Variants in BLM observed in about 807,000 individuals in gnomAD.
BLM encodes BLM RecQ like helicase.
BLM carries 95 observed loss-of-function variants against 135.3 expected under a neutral mutation model. That is an observed-to-expected ratio of 0.70 (90% CI 0.59 to 0.83). The LOEUF (loss-of-function observed/expected upper bound fraction) is 0.83, where lower values mean the gene tolerates loss of function less well. Ranked by LOEUF, BLM falls within the 40% of genes least tolerant of loss-of-function variation. The probability of loss-of-function intolerance (pLI) is 0.00; values close to 1 mark genes in which losing one functional copy is unlikely to be tolerated. For synonymous variants in BLM, 520 were observed against 589.2 expected (o/e 0.88, Z 1.70); for missense variants, 1,518 against 1,663.9 (o/e 0.91, Z 1.53).
chr15:90,782,798 A>AT, intron 12 of BLM, 24 bp from the exon 13 acceptor site: 1 of 1,547,672 alleles, frequency 6.5e-7, no homozygotes, highest in Non-Finnish European at 8.9e-7. Flanking sequence ...TAATAACTAA[A>AT]TTTTATGTTT....
intron 5 of BLM, among the ~76,000 whole-genome samples, chr15:90,759,235 A>C (rs1035190428): frequency 1.3e-5 from 2 of 152,072 alleles, no homozygotes; most frequent in African/African-American, 4.8e-5. Context: ...TTGTTTTTAC[A>C]CTGCTTCATA....
chr15:90,746,539 TG>T (rs1895506198), intron 1 of BLM, among the ~76,000 whole-genome samples: 1 of 152,214 alleles, frequency 6.6e-6, no homozygotes, highest in African/African-American at 2.4e-5. Flanking sequence ...TTGATAGATA[TG>T]GGTTAATGAG....
At chr15:90,782,761 A>G (rs1040985597) in intron 12 of BLM, 61 bp from the exon 13 acceptor site, 36 of 1,320,826 alleles carry the variant, frequency 2.7e-5, no homozygotes, top group Non-Finnish European at 3.5e-5. Context: ...TGTAGTCTAT[A>G]ACAATACCTA....
chr15:90,769,463 A>G lies in BLM; in HGVS notation c.2432A>G (p.Tyr811Cys), dbSNP rs145029382. The change falls in exon 12 of 22, where the codon TAC becomes TGC. Residue 811 changes from tyrosine to cysteine, a missense_variant. By Grantham distance (194) the Tyr-to-Cys change is radical. This residue lies in a region of BLM where 626 missense variants were observed against 681.1 expected (regional missense o/e 0.92). Transcript: ENST00000355112. ...SQWGHDFRQD[Y>C]KRMNMLRQKF... Reference sequence around the variant, plus strand: ...TGGGGACATGATTTTCGTCAAGATTACAAAAGAATGAATATGCTTCGCCAG... The same window carrying G: ...TGGGGACATGATTTTCGTCAAGATTGCAAAAGAATGAATATGCTTCGCCAG... 27 of 1,614,056 alleles carry G rather than the reference A, an allele frequency of 1.7e-5. No homozygotes were observed. The highest frequency in any genetic ancestry group is 2.2e-5 in the Non-Finnish European group (26 of 1,180,028).
In BLM at chr15:90,749,392, T is replaced by C. The variant is rs1291378382; in HGVS notation, c.124T>C (p.Ser42Pro). Residue 42 changes from serine (S) to proline (P), a missense_variant, in exon 3 of 22, where the codon TCT becomes CCT. Ser to Pro is a moderately conservative substitution (Grantham distance 74, BLOSUM62 -1). Coordinates refer to ENST00000355112, the MANE Select transcript of BLM (RefSeq NM_000057.4). ...AGGTTTCACTTTTAAAAAGAAAACA[T>C]CTTCAGATAACAATGTATCTGTAAC... ...FSGFTFKKKTSSDNNVSVTNV... is the reference protein window; with the variant it reads ...FSGFTFKKKTPSDNNVSVTNV... The C allele has an allele frequency of 4.4e-6, 7 of 1,605,146 alleles. No homozygotes were observed. The Admixed American group carries it at 1.2e-4, about 27-fold the overall frequency.
At chr15:90,729,335 AAAC>A (rs1035376730) in intron 1 of BLM, among the ~76,000 whole-genome samples, 16 of 152,132 alleles carry the variant, frequency 1.1e-4, no homozygotes, top group African/African-American at 3.6e-4. Flanking sequence ...AAATAAATAA[AAAC>A]AACAACAACA....
intron 14 of BLM, among the ~76,000 whole-genome samples, chr15:90,789,178 C>T (rs372415048): frequency 6.6e-6 from 1 of 152,066 alleles, no homozygotes; most frequent in Non-Finnish European, 1.5e-5. Context: ...ACCAGCTCGA[C>T]AGACTTGATC....
At chr15:90,766,634 G>C (rs1388715861) in intron 9 of BLM, among the ~76,000 whole-genome samples, 1 of 151,952 alleles carries the variant, frequency 6.6e-6, no homozygotes, top group African/African-American at 2.4e-5. Flanking sequence ...CTCCGTGTTG[G>C]CCATGCTAGT....
At chr15:90,740,501 T>C (rs1002846788) in intron 1 of BLM, among the ~76,000 whole-genome samples, 1 of 152,192 alleles carries the variant, frequency 6.6e-6, no homozygotes, top group African/African-American at 2.4e-5. Context: ...ATTTGAGTGG[T>C]TTCTGAATTT....
At chr15:90,806,138 C>G in intron 19 of BLM, among the ~76,000 whole-genome samples, 1 of 152,220 alleles carries the variant, frequency 6.6e-6, no homozygotes, top group Middle Eastern at 3.4e-3. Context: ...ATTTTTTCTT[C>G]CTTAATAGTC....
chr15:90,759,511 T>G (rs1193693180), intron 5 of BLM, among the ~76,000 whole-genome samples: 2 of 152,158 alleles, frequency 1.3e-5, no homozygotes, highest in African/African-American at 4.8e-5. Flanking sequence ...GGAGGATCTC[T>G]TGAGCCCAAG....
chr15:90,814,658 G>A (rs1365430808), intron 21 of BLM, among the ~76,000 whole-genome samples: 2 of 152,212 alleles, frequency 1.3e-5, no homozygotes, highest in Non-Finnish European at 2.9e-5. Flanking sequence ...CAGCTGCCTT[G>A]CTCTGGACTG....
chr15:90,759,875 G>T (rs2151156585), intron 5 of BLM: 1 of 341,212 alleles, frequency 2.9e-6, no homozygotes. Context: ...CCAAAGTGTT[G>T]GGATTACAGG....
At chr15:90,778,487 C>G (rs1896534182) in intron 12 of BLM, among the ~76,000 whole-genome samples, 1 of 152,184 alleles carries the variant, frequency 6.6e-6, no homozygotes, top group African/African-American at 2.4e-5. Context: ...CATCACCCTC[C>G]AAAAACACCC....
At chr15:90,814,007 C>T (rs189887949) in intron 21 of BLM, among the ~76,000 whole-genome samples, 22 of 152,340 alleles carry the variant, frequency 1.4e-4, no homozygotes, top group Admixed American at 3.9e-4. Flanking sequence ...TGTAAATCAA[C>T]ATAAACAGCA....
At chr15:90,722,812 C>A (rs1175102869) in intron 1 of BLM, among the ~76,000 whole-genome samples, 1 of 152,130 alleles carries the variant, frequency 6.6e-6, no homozygotes, top group African/African-American at 2.4e-5. Flanking sequence ...TACCTCCTCC[C>A]TATGTTAGGG....
intron 19 of BLM, 39 bp from the exon 20 acceptor site, chr15:90,809,083 AGTGGGTTTTCTATGG>A: frequency 6.2e-7 from 1 of 1,608,924 alleles, no homozygotes; most frequent in Non-Finnish European, 8.5e-7. Flanking sequence ...GCCTGAATTC[AGTGGGTTTTCTATGG>A]GTGATAATTT....
intron 1 of BLM, among the ~76,000 whole-genome samples, chr15:90,729,471 C>T (rs191776863): frequency 6.6e-6 from 1 of 152,274 alleles, no homozygotes; most frequent in East Asian, 1.9e-4. Context: ...ATTTCCTTCC[C>T]CTTTTCAGCT....
chr15:90,723,393 T>A (rs560861257), intron 1 of BLM, among the ~76,000 whole-genome samples: 1 of 151,718 alleles, frequency 6.6e-6, no homozygotes, highest in African/African-American at 2.4e-5. Context: ...GTAGCTCACT[T>A]CTGTAATCCC....
Sources: allele counts gnomAD v4.1 joint callset (sites outside exome capture counted in the v4.1 genomes callset), GRCh38; gene constraint gnomAD v4.1.1; regional missense constraint gnomAD v4.1.1; transcripts MANE v1.5; gene names NCBI Gene and HGNC (gene_info 2026-07-23, HGNC 2026-07-21).